IQGAP1: variants seen among roughly 807,000 people sequenced by gnomAD.
The protein encoded by IQGAP1 is IQ motif containing GTPase activating protein 1.
IQGAP1 carries 66 observed loss-of-function variants against 215.6 expected under a neutral mutation model. That is an observed-to-expected ratio of 0.31 (90% CI 0.25 to 0.38). IQGAP1 has a LOEUF of 0.38. Ranked by LOEUF, IQGAP1 falls within the 10% of genes least tolerant of loss-of-function variation. The pLI, the probability that IQGAP1 is intolerant of heterozygous loss-of-function variation, is 1.00. For synonymous variants in IQGAP1, 772 were observed against 728.7 expected, an observed-to-expected ratio of 1.06 and a Z score of -0.96; for missense variants, 1,712 against 1,997.1, an observed-to-expected ratio of 0.86 and a Z score of 2.72.
At chr15:90,397,045 G>T (rs1955250461) in intron 2 of IQGAP1, among the ~76,000 whole-genome samples, 1 of 152,044 alleles carries the variant, frequency 6.6e-6, no homozygotes, top group Non-Finnish European at 1.5e-5. Flanking sequence ...TAGAGATGGG[G>T]TTTGACCATG....
In IQGAP1 at chr15:90,492,675, T is replaced by G; in HGVS notation, c.4592T>G (p.Ile1531Ser). The G allele has an allele frequency of 6.2e-7, 1 of 1,612,972 alleles. No individual in the cohort carries two copies. The highest frequency in any genetic ancestry group is 8.5e-7 in the Non-Finnish European group (1 of 1,179,718). ...GEQVDYYKSY[I>S]KTCLDNLASK... ...CAGGTGGATTACTATAAAAGCTATA[T>G]CAAAACCTGCTTGGATAACTTAGCC... is the stretch of plus-strand genomic sequence containing the variant. The change falls in exon 35 of 38, where the codon ATC (isoleucine) becomes AGC (serine). Residue 1531 changes from isoleucine to serine, a missense_variant. Physicochemically the swap from Ile to Ser is moderately radical, Grantham distance 142. Transcript: ENST00000268182.
Position 90,491,555 on chromosome 15 carries a change from TC to T in IQGAP1, c.4461+11del. 1 of 1,611,722 alleles carries T rather than the reference TC, an allele frequency of 6.2e-7. No individual in the cohort carries two copies. The highest frequency in any genetic ancestry group is 8.5e-7 in the Non-Finnish European group (1 of 1,177,984). On this transcript the variant is annotated intron_variant, in intron 34 of 37. Coordinates refer to ENST00000268182, the MANE Select transcript of IQGAP1 (RefSeq NM_003870.4). ...CAACGACATTGCCAGGGTACTGCAT[TC>T]GGGGGACAGAGGGGACCCGGCCTTG...
chr15:90,424,664 C>T (rs1965195120), intron 2 of IQGAP1, among the ~76,000 whole-genome samples: 2 of 151,758 alleles, frequency 1.3e-5, no homozygotes, highest in African/African-American at 2.4e-5. Context: ...TGGTGAAACC[C>T]CATCTCTACT....
At chr15:90,434,194 T>G (rs1434085042) in intron 5 of IQGAP1, among the ~76,000 whole-genome samples, 1 of 152,136 alleles carries the variant, frequency 6.6e-6, no homozygotes, top group Non-Finnish European at 1.5e-5. Flanking sequence ...CCCAGCATTT[T>G]GGGAGGCCAA....
rs1342603153 is a variant in IQGAP1, at chr15:90,484,329, G to A, written c.3898G>A (p.Gly1300Ser). The A allele has an allele frequency of 6.2e-7, 1 of 1,611,500 alleles. No homozygotes were observed. The highest frequency in any genetic ancestry group is 2.2e-5 in the East Asian group (1 of 44,784). Reference protein sequence around the residue: ...LTKPVIYISIGEIINTHTLLL... With the variant: ...LTKPVIYISISEIINTHTLLL... ...CAAACCAGTAATCTACATTTCCATT[G>A]GTGAAATCATCAACACCCACACTGT... The change falls in exon 30 of 38, where the codon GGT becomes AGT. Residue 1300 changes from glycine (G) to serine (S), a missense_variant. Gly to Ser is a moderately conservative substitution (Grantham distance 56). Coordinates refer to ENST00000268182, the MANE Select transcript of IQGAP1 (RefSeq NM_003870.4).
rs998001113 is a variant in IQGAP1 at position 90,392,805 on chromosome 15, C to T, written c.155+1932C>T. Among the ~76,000 whole-genome samples the T allele has an allele frequency of 3.1e-4, 40 of 127,642 alleles. 1 individual carries two copies. Among genetic ancestry groups the T allele is most frequent in the Admixed American group, 6.0e-4 (6 of 9,970 alleles). 83.7% of individuals were successfully genotyped at this position (127,642 alleles called of 152,430 possible). ...TGTTGCCCAGGCTGGAGGGCAGTGG[C>T]GCAATCTTGGCTCATTGCAACCTCC... is the stretch of plus-strand genomic sequence containing the variant. On this transcript the variant is annotated intron_variant, in intron 2 of 37. Coordinates refer to ENST00000268182, the MANE Select transcript of IQGAP1 (RefSeq NM_003870.4).
intron 11 of IQGAP1, among the ~76,000 whole-genome samples, chr15:90,451,992 G>T (rs1347679131): frequency 6.6e-6 from 1 of 152,064 alleles, no homozygotes; most frequent in Non-Finnish European, 1.5e-5. Context: ...ACCACACCTA[G>T]CTCATTTTTG....
chr15:90,404,753 AT>A (rs72053598), intron 2 of IQGAP1, among the ~76,000 whole-genome samples: 57,873 of 151,504 alleles, frequency 0.38, 11,900 homozygotes, highest in African/African-American at 0.55. Context: ...TAATTTTTGT[AT>A]TTTTTTAGTA....
intron 5 of IQGAP1, among the ~76,000 whole-genome samples, chr15:90,437,619 G>T (rs1282370743): frequency 6.6e-6 from 1 of 152,094 alleles, no homozygotes; most frequent in African/African-American, 2.4e-5. Context: ...TTGACTCATT[G>T]TAACAACCTC....
intron 1 of IQGAP1, among the ~76,000 whole-genome samples, chr15:90,390,121 T>C (rs1302264018): frequency 6.6e-6 from 1 of 152,160 alleles, no homozygotes; most frequent in Non-Finnish European, 1.5e-5. Context: ...CCAAAAATAG[T>C]TGGGACCAGA....
At chr15:90,496,256 C>T (rs1466873196) in intron 36 of IQGAP1, among the ~76,000 whole-genome samples, 1 of 144,098 alleles carries the variant, frequency 6.9e-6, no homozygotes, top group Non-Finnish European at 1.5e-5. Context: ...TAGTTGAGTT[C>T]TGGAAATCTG....
intron 8 of IQGAP1, 51 bp downstream of exon 8, chr15:90,441,735 T>A (rs750227948): frequency 7.8e-7 from 1 of 1,275,290 alleles, no homozygotes; most frequent in Non-Finnish European, 1.1e-6. Flanking sequence ...ATTCCGTCAT[T>A]TGATATGGCT....
intron 2 of IQGAP1, among the ~76,000 whole-genome samples, chr15:90,401,036 T>C (rs1964796999): frequency 6.6e-6 from 1 of 152,202 alleles, no homozygotes; most frequent in East Asian, 1.9e-4. Flanking sequence ...CCGGAAGTGA[T>C]TCATATTACT....
At chr15:90,493,088 T>C (rs548626487) in intron 35 of IQGAP1, among the ~76,000 whole-genome samples, 12 of 152,092 alleles carry the variant, frequency 7.9e-5, no homozygotes, top group African/African-American at 2.7e-4. Flanking sequence ...ACTAAAAATA[T>C]ACAAATTAGC....
chr15:90,490,184 G>A (rs1373705855), intron 33 of IQGAP1, among the ~76,000 whole-genome samples: 1 of 152,198 alleles, frequency 6.6e-6, no homozygotes, highest in African/African-American at 2.4e-5. Flanking sequence ...CCAGAGCCAT[G>A]GTCACAAAGA....
At chr15:90,477,311 C>A in intron 25 of IQGAP1, 81 bp downstream of exon 25, 1 of 1,151,506 alleles carries the variant, frequency 8.7e-7, no homozygotes, top group East Asian at 2.4e-5. Context: ...CCTTCCTGAT[C>A]TTTTCTTGAT....
At chr15:90,482,758 A>AT in intron 28 of IQGAP1, 1 of 987,376 alleles carries the variant, frequency 1.0e-6, no homozygotes, top group Non-Finnish European at 1.2e-6. Flanking sequence ...AGGTGAATTA[A>AT]TTTTATTTCT....
At chr15:90,429,164 A>G (rs917996979) in intron 3 of IQGAP1, among the ~76,000 whole-genome samples, 1 of 152,072 alleles carries the variant, frequency 6.6e-6, no homozygotes, top group African/African-American at 2.4e-5. Flanking sequence ...GTATTTTTAT[A>G]CAGCATTTTG....
At chr15:90,490,646 A>G (rs1018006577) in intron 33 of IQGAP1, among the ~76,000 whole-genome samples, 2 of 152,166 alleles carry the variant, frequency 1.3e-5, no homozygotes, top group African/African-American at 4.8e-5. Flanking sequence ...TAGTTATAAC[A>G]TTTATACAGC....
Sources: gnomAD v4.1 joint callset for allele counts (sites outside exome capture counted in the v4.1 genomes callset) on GRCh38, gnomAD v4.1.1 for gene constraint, MANE v1.5 for transcripts, NCBI Gene and HGNC (gene_info 2026-07-23, HGNC 2026-07-21) for gene names.